CRB2: variants seen among roughly 807,000 people sequenced by gnomAD.
CRB2 encodes the protein protein crumbs homolog 2.
Under a neutral mutation model 110.9 loss-of-function variants are expected in CRB2, and 85 were observed. The observed-to-expected ratio is 0.77, with a 90% confidence interval of 0.64 to 0.92. The LOEUF (loss-of-function observed/expected upper bound fraction) is 0.92, where lower values mean the gene tolerates loss of function less well. Ranked by LOEUF, CRB2 falls within the 40% of genes least tolerant of loss-of-function variation. The pLI is 0.00. For missense variants in CRB2, 1,843 were observed against 1,851.3 expected (o/e 1.00, Z 0.08); for synonymous variants, 907 against 831.0 (o/e 1.09, Z -1.57).
At chr9:123,357,611 G>A (rs967647937) in intron 1 of CRB2, among the ~76,000 whole-genome samples, 4 of 152,112 alleles carry the variant, frequency 2.6e-5, no homozygotes, top group Admixed American at 6.5e-5. Flanking sequence ...GCTCCATAGA[G>A]GGGTGGGGCA....
rs752951248 is a variant in CRB2, at chr9:123,373,639, C to A, written c.3108C>A (p.Gly1036=). ...GGCCCCGGCCCGGCGCGGCCCCTGG[C>A]GCCCGAGAGCACTTCGCGTCTTGGC... ...LARPRPGAAP[G]AREHFASWPG... The change falls in exon 10 of 13, where the codon GGC becomes GGA. Residue 1036 remains glycine, a synonymous_variant. Transcript: ENST00000373631. The A allele has an allele frequency of 1.3e-5, 18 of 1,376,808 alleles. No individual in the cohort carries two copies. Among genetic ancestry groups the A allele is most frequent in the African/African-American group, 3.1e-5 (2 of 65,498 alleles). 85.3% of individuals were successfully genotyped at this position (1,376,808 alleles called of 1,614,324 possible).
rs2488601 is a variant in CRB2 at position 123,373,436 on chromosome 9, A to G, written c.2905A>G (p.Thr969Ala). Reference sequence around the variant, plus strand: ...TCTGGCCATGGAGCGCCCGGCGGCCACCACCTCGCGCTGGCTGCTGTGGCT... The same window carrying G: ...TCTGGCCATGGAGCGCCCGGCGGCCGCCACCTCGCGCTGGCTGCTGTGGCT... Reference protein sequence around the residue: ...VRLAMERPAATTSRWLLWLDG... With the variant: ...VRLAMERPAAATSRWLLWLDG... Residue 969 changes from threonine (T) to alanine (A), a missense_variant, in exon 10 of 13, where the codon ACC becomes GCC. Physicochemically the swap from Thr to Ala is moderately conservative, Grantham distance 58 (BLOSUM62 0). Transcript: ENST00000373631. 1,439,810 of 1,445,496 alleles carry G rather than the reference A, an allele frequency of 1. 717,253 individuals carry two copies. The highest frequency in any genetic ancestry group is 1 in the East Asian group (32,568 of 32,568). The allele number at this position is 1,445,496 out of a possible 1,614,324, so 89.5% of individuals were successfully genotyped here.
At chr9:123,368,962 G>A in intron 6 of CRB2, 1 of 1,219,026 alleles carries the variant, frequency 8.2e-7, no homozygotes, top group Non-Finnish European at 1.0e-6. Context: ...GAGGAATGTG[G>A]GCCCTGGGCA....
chr9:123,373,991 AGGTCT>A, intron 10 of CRB2, 71 bp downstream of exon 10: 1 of 1,531,476 alleles, frequency 6.5e-7, no homozygotes, highest in Non-Finnish European at 8.9e-7. Context: ...GAAGTCTGCC[AGGTCT>A]GTGGATGAGT....
At chr9:123,380,204 A>T (rs1038534587), downstream of CRB2, 1 of 152,380 alleles carries the variant, frequency 6.6e-6, no homozygotes, top group Non-Finnish European at 1.5e-5. Flanking sequence ...CGTGTCTCAG[A>T]TGGTTGTTTT....
chr9:123,362,023 G>A (rs1010481907), intron 1 of CRB2, among the ~76,000 whole-genome samples: 12 of 152,306 alleles, frequency 7.9e-5, no homozygotes, highest in East Asian at 1.9e-4. Flanking sequence ...GCAGGTGTCC[G>A]TGAGCCATCT....
At chr9:123,357,898 TCA>T (rs1326657085) in intron 1 of CRB2, among the ~76,000 whole-genome samples, 5 of 152,232 alleles carry the variant, frequency 3.3e-5, no homozygotes, top group Non-Finnish European at 7.3e-5. Context: ...ATGTGTGCAT[TCA>T]CACTCAGTGT....
upstream of CRB2, among the ~76,000 whole-genome samples, chr9:123,354,543 C>T (rs754626105): frequency 2.6e-5 from 4 of 152,218 alleles, no homozygotes; most frequent in Non-Finnish European, 4.4e-5. Flanking sequence ...CTGAGGTCAC[C>T]GGCTAATCAG....
intron 6 of CRB2, chr9:123,369,009 CT>C: frequency 2.6e-6 from 3 of 1,133,606 alleles, no homozygotes; most frequent in Non-Finnish European, 3.3e-6. Context: ...TAGGAAGAGG[CT>C]GTGGTGTTTG....
chr9:123,368,925 GGCCACCTGT>G (rs1241971091), intron 6 of CRB2: 1 of 1,253,902 alleles, frequency 8.0e-7, no homozygotes, highest in Admixed American at 2.5e-5. Flanking sequence ...GACCTTCCTG[GGCCACCTGT>G]GGCTCCTGGC....
Position 123,378,237 on chromosome 9 carries a change from C to G in CRB2, c.*1175C>G, listed in dbSNP as rs572307682. 2 of 152,298 alleles carry G rather than the reference C, an allele frequency of 1.3e-5. No individual in the cohort carries two copies. The highest frequency in any genetic ancestry group is 2.9e-5 in the Non-Finnish European group (2 of 68,076). The allele number at this position is 152,298 out of a possible 1,614,324, so 9.4% of individuals were successfully genotyped here. The stretch of plus-strand genomic sequence containing the variant: ...CCTGCAGAGGCCGACTCAGAGGAGA[C>G]TCTGCTGCTTGCTCCCAGCCCCTTC... On this transcript the variant is annotated 3_prime_UTR_variant, in exon 13 of 13. Transcript: ENST00000373631.
chr9:123,360,503 C>T (rs1182133128), intron 1 of CRB2, among the ~76,000 whole-genome samples: 1 of 152,158 alleles, frequency 6.6e-6, no homozygotes, highest in African/African-American at 2.4e-5. Flanking sequence ...ATCGTGGCCT[C>T]CTAGGCTCAC....
chr9:123,356,790 C>T (rs941722685), intron 1 of CRB2, among the ~76,000 whole-genome samples: 3 of 151,780 alleles, frequency 2.0e-5, no homozygotes, highest in Non-Finnish European at 4.4e-5. Flanking sequence ...TTGTGGGGCA[C>T]AGGTTGTGGG....
At chr9:123,368,707 G>A in intron 6 of CRB2, 1 of 986,006 alleles carries the variant, frequency 1.0e-6, no homozygotes, top group Non-Finnish European at 1.2e-6. Flanking sequence ...GACCCCAGCT[G>A]CAGGGCTGGG....
In CRB2 at chr9:123,370,104, A is replaced by G. The variant is rs923205937; in HGVS notation, c.1055-4A>G. The G allele has an allele frequency of 3.2e-6, 5 of 1,574,684 alleles. No homozygotes were observed. The African/African-American group carries it at 4.0e-5, about 13-fold the overall frequency. ...ACTGAACCTTGGCTTTGTCTCTCCC[A>G]AAGGGCCGACATGTGAGGAAGATGT... On this transcript the variant is annotated splice_polypyrimidine_tract_variant and splice_region_variant and intron_variant, in intron 6 of 12. Transcript: ENST00000373631.
downstream of CRB2, among the ~76,000 whole-genome samples, chr9:123,379,126 CT>C (rs1339328561): frequency 3.0e-5 from 1 of 32,794 alleles, no homozygotes. Flanking sequence ...CGTTTTCAGC[CT>C]GTCAGTCAGT....
In CRB2 at chr9:123,370,179, A is replaced by G; in HGVS notation, c.1126A>G (p.Thr376Ala). The change falls in exon 7 of 13, where the codon ACT becomes GCT. Residue 376 changes from threonine to alanine, a missense_variant. Coordinates refer to ENST00000373631, the MANE Select transcript of CRB2 (RefSeq NM_173689.7). ...PCLHGGTCSD[T>A]VAGYICRCPE... ...CCTGCACGGCGGAACCTGCAGTGAC[A>G]CTGTGGCAGGCTATATCTGCAGGTG... The G allele has an allele frequency of 1.2e-6, 2 of 1,612,224 alleles. No homozygotes were observed. The highest frequency in any genetic ancestry group is 1.7e-4 in the Middle Eastern group (1 of 6,060).
intron 6 of CRB2, among the ~76,000 whole-genome samples, chr9:123,369,812 G>A (rs898535631): frequency 5.3e-5 from 8 of 152,150 alleles, no homozygotes; most frequent in African/African-American, 1.7e-4. Context: ...TGGGGGATGC[G>A]GGATGGTAGC....
At chr9:123,356,414 C>A in intron 1 of CRB2, 60 bp downstream of exon 1, 1 of 1,351,966 alleles carries the variant, frequency 7.4e-7, no homozygotes. Context: ...AAGACAGATA[C>A]CCCAAGCCTT....
Sources: gnomAD v4.1 joint callset for allele counts (sites outside exome capture counted in the v4.1 genomes callset) on GRCh38, gnomAD v4.1.1 for gene constraint, MANE v1.5 for transcripts, NCBI Gene and HGNC (gene_info 2026-07-23, HGNC 2026-07-21) for gene names.